RBFOX1: variants seen among roughly 807,000 people sequenced by gnomAD.
The protein encoded by RBFOX1 is RNA binding fox-1 homolog 1, also known as RNA binding protein fox-1 homolog 1.
In RBFOX1, 8 loss-of-function variants were observed where a neutral mutation model predicts 57.7. The ratio of observed to expected loss-of-function variants is 0.14; its 90% confidence interval spans 0.08 to 0.25. RBFOX1 has a LOEUF of 0.25. RBFOX1 is among the 10% of genes least tolerant of loss of function. RBFOX1 has a pLI of 1.00. For synonymous variants in RBFOX1, 326 were observed against 222.4 expected, an observed-to-expected ratio of 1.47 and a Z score of -4.15; for missense variants, 611 against 548.5, an observed-to-expected ratio of 1.11 and a Z score of -1.14.
chr16:5,600,874 C>T (rs1268935806), downstream of RBFOX1, among the ~76,000 whole-genome samples: 2 of 152,080 alleles, frequency 1.3e-5, no homozygotes, highest in Non-Finnish European at 2.9e-5. Flanking sequence ...TTTTAACATC[C>T]TCTCAATGAC....
rs150507222 is a variant in RBFOX1 at position 7,507,208 on chromosome 16, G to C, written c.28-10939G>C. The stretch of plus-strand genomic sequence containing the variant: ...TAGAAATTACCTGGCCTATCATAGT[G>C]TTTTTCCATTTATTTATTTTTACCC... On this transcript the variant is annotated intron_variant, in intron 4 of 15. Transcript: ENST00000550418. Among the ~76,000 whole-genome samples, 3 of 152,020 alleles carry C rather than the reference G, an allele frequency of 2.0e-5. No individual in the cohort carries two copies. In the East Asian group the frequency reaches 5.8e-4, roughly 29 times the overall value.
At chr16:5,403,582 T>A (rs9924214) in intron 1 of RBFOX1, among the ~76,000 whole-genome samples, 4,319 of 152,098 alleles carry the variant, frequency 0.028, 177 homozygotes, top group African/African-American at 0.086. Context: ...GTAGCTGGGA[T>A]TACAGGTGCA....
intron 2 of RBFOX1, among the ~76,000 whole-genome samples, chr16:6,520,272 C>T (rs1218056547): frequency 2.6e-5 from 4 of 152,086 alleles, no homozygotes; most frequent in Non-Finnish European, 4.4e-5. Flanking sequence ...GATAGTATTG[C>T]TTTGTAGGTT....
chr16:6,014,488 A>T (rs1228692929), upstream of RBFOX1, among the ~76,000 whole-genome samples: 1 of 152,114 alleles, frequency 6.6e-6, no homozygotes, highest in African/African-American at 2.4e-5. Context: ...TAATATCAAA[A>T]CCCTGACCTA....
intron 3 of RBFOX1, among the ~76,000 whole-genome samples, chr16:6,756,803 C>G (rs35915431): frequency 0.26 from 38,875 of 151,840 alleles, 5,346 homozygotes; most frequent in Non-Finnish European, 0.31. Context: ...GAAACTCCAT[C>G]TCTACTAAAA....
At chr16:5,595,608 CA>C (rs1410589763) in intron 2 of RBFOX1, among the ~76,000 whole-genome samples, 1 of 152,150 alleles carries the variant, frequency 6.6e-6, no homozygotes, top group Non-Finnish European at 1.5e-5. Flanking sequence ...CAGGCCAGCT[CA>C]AATGATATGG....
At chr16:5,636,068 G>C (rs1309109135) in intron 3 of RBFOX1, among the ~76,000 whole-genome samples, 1 of 152,096 alleles carries the variant, frequency 6.6e-6, no homozygotes, top group Non-Finnish European at 1.5e-5. Flanking sequence ...AAAAAAAAAG[G>C]CTGGCATGGT....
At chr16:5,399,789 T>C (rs580061) in intron 1 of RBFOX1, among the ~76,000 whole-genome samples, 12,184 of 151,916 alleles carry the variant, frequency 0.08, 754 homozygotes, top group African/African-American at 0.16. Context: ...CATGACATAA[T>C]CTCATCCCCA....
At chr16:6,314,940 G>A (rs533370571) in intron 1 of RBFOX1, among the ~76,000 whole-genome samples, 90 of 152,210 alleles carry the variant, frequency 5.9e-4, no homozygotes, top group African/African-American at 2.0e-3. Context: ...TGTCAGCTCC[G>A]TTGCCACTTC....
chr16:5,582,503 G>A (rs2046701956), intron 2 of RBFOX1, among the ~76,000 whole-genome samples: 1 of 150,720 alleles, frequency 6.6e-6, no homozygotes, highest in South Asian at 2.1e-4. Flanking sequence ...GTCAAAGCCA[G>A]AGCAGAGCTG....
At chr16:6,348,320 T>C (rs2085720001) in intron 2 of RBFOX1, among the ~76,000 whole-genome samples, 1 of 152,190 alleles carries the variant, frequency 6.6e-6, no homozygotes, top group South Asian at 2.1e-4. Flanking sequence ...AGAGATGGTA[T>C]AGATGACACC....
rs527547767 is a variant in RBFOX1, at chr16:5,272,939, C to G, written c.219+32834C>G. On this transcript the variant is annotated intron_variant, in intron 1 of 2. Transcript: ENST00000585867. ...CAGCCTTTGGAAAGTCATGGTAGTT[C>G]CAGATTTATGTGGATGTTACTTTGT... Among the ~76,000 whole-genome samples the G allele has an allele frequency of 2.6e-5, 4 of 152,296 alleles. No individual in the cohort carries two copies. In the East Asian group the frequency reaches 5.8e-4, roughly 22 times the overall value.
At chr16:7,602,616 G>A (rs1321398557) in intron 9 of RBFOX1, among the ~76,000 whole-genome samples, 1 of 152,168 alleles carries the variant, frequency 6.6e-6, no homozygotes, top group East Asian at 1.9e-4. Context: ...GGTACGAGGA[G>A]GAGTCACAGG....
chr16:7,466,476 C>A (rs1338834027), intron 4 of RBFOX1, among the ~76,000 whole-genome samples: 1 of 152,090 alleles, frequency 6.6e-6, no homozygotes, highest in Non-Finnish European at 1.5e-5. Context: ...TAAAAAGTCA[C>A]CCCAGGTCCT....
chr16:7,139,176 C>CTGTGTGTGTGTGTGTG (rs1388063094), intron 4 of RBFOX1, among the ~76,000 whole-genome samples: 3,842 of 145,856 alleles, frequency 0.026, 54 homozygotes, highest in Middle Eastern at 0.049. Context: ...CAATCTCTCT[C>CTGTGTGTGTGTGTGTG]TGTGTGTGTG....
At chr16:6,250,636 C>T (rs896750272) in intron 1 of RBFOX1, among the ~76,000 whole-genome samples, 19 of 152,250 alleles carry the variant, frequency 1.2e-4, no homozygotes, top group African/African-American at 3.8e-4. Flanking sequence ...TGAGAGGGGT[C>T]ATCCCTGTTT....
chr16:6,099,349 G>T (rs996726319), intron 1 of RBFOX1, among the ~76,000 whole-genome samples: 2 of 152,270 alleles, frequency 1.3e-5, no homozygotes, highest in Non-Finnish European at 2.9e-5. Flanking sequence ...AAACTACACC[G>T]AAATTGACAT....
chr16:6,611,570 C>T (rs1442701598), intron 2 of RBFOX1, among the ~76,000 whole-genome samples: 2 of 152,218 alleles, frequency 1.3e-5, no homozygotes, highest in African/African-American at 2.4e-5. Context: ...CATGAGACTC[C>T]ACAGTGAGCA....
chr16:7,053,844 T>C (rs1229028530), intron 4 of RBFOX1, among the ~76,000 whole-genome samples: 2 of 152,192 alleles, frequency 1.3e-5, no homozygotes, highest in African/African-American at 2.4e-5. Flanking sequence ...TTGTTGTTAC[T>C]TTTATGGTCA....
Sources: allele counts gnomAD v4.1 joint callset (sites outside exome capture counted in the v4.1 genomes callset), GRCh38; gene constraint gnomAD v4.1.1; transcripts MANE v1.5; gene names NCBI Gene and HGNC (gene_info 2026-07-23, HGNC 2026-07-21).